FBXL14: variants seen among roughly 807,000 people sequenced by gnomAD.
FBXL14 encodes the protein F-box/LRR-repeat protein 14.
FBXL14 carries 11 observed loss-of-function variants against 24.5 expected under a neutral mutation model. The ratio of observed to expected loss-of-function variants is 0.45; its 90% CI spans 0.28 to 0.74. The LOEUF (loss-of-function observed/expected upper bound fraction) is 0.74. Among genes scored for constraint, FBXL14 ranks in the 30% least tolerant of loss-of-function variants. The probability of loss-of-function intolerance (pLI) is 0.12; values close to 1 mark genes in which losing one functional copy is unlikely to be tolerated. For missense variants in FBXL14, 384 were observed against 545.6 expected (o/e 0.70, Z 2.95); for synonymous variants, 294 against 240.4 (o/e 1.22, Z -2.06).
chr12:1,593,107 A>T lies in FBXL14; in HGVS notation c.960T>A (p.Asp320Glu). The T allele has an allele frequency of 1.2e-6, 2 of 1,613,614 alleles. No homozygotes were observed. The highest frequency in any genetic ancestry group is 1.7e-6 in the Non-Finnish European group (2 of 1,180,018). Reference sequence around the variant, plus strand: ...TCTGCCGCACCATGCGGTTGATGCCATCATCACTGATGTGGCAGGAGCAGA... The same window carrying T: ...TCTGCCGCACCATGCGGTTGATGCCTTCATCACTGATGTGGCAGGAGCAGA... ...LSLCSCHISDDGINRMVRQMH... is the reference protein window; with the variant it reads ...LSLCSCHISDEGINRMVRQMH... The change falls in exon 1 of 2, where the codon GAT becomes GAA. Residue 320 changes from aspartate (D) to glutamate (E), a missense_variant. By Grantham distance (45) the Asp-to-Glu change is conservative. Transcript: ENST00000339235. The surrounding 1 kb of genome is among the most constrained non-coding windows in gnomAD (Gnocchi z 7.4).
intron 1 of FBXL14, among the ~76,000 whole-genome samples, chr12:1,590,773 G>T (rs567461940): frequency 2.6e-5 from 4 of 152,138 alleles, no homozygotes; most frequent in Non-Finnish European, 5.9e-5. Context: ...TGAAAAAGAG[G>T]GCTTGAGCTG....
chr12:1,582,207 A>C (rs1283992133), intron 1 of FBXL14, among the ~76,000 whole-genome samples: 3 of 151,920 alleles, frequency 2.0e-5, no homozygotes, highest in Admixed American at 1.3e-4. Flanking sequence ...GAAGAAAGAA[A>C]GAGAAAGAAG....
At chr12:1,582,701 C>T (rs757549408) in intron 1 of FBXL14, among the ~76,000 whole-genome samples, 2 of 152,126 alleles carry the variant, frequency 1.3e-5, no homozygotes, top group African/African-American at 4.8e-5. Context: ...CCAAAAATGA[C>T]GTCTATATTA....
chr12:1,593,681 T>C lies in FBXL14; in HGVS notation c.386A>G (p.Gln129Arg). 6.2e-7 allele frequency: 1 copy of C among 1,614,172 alleles called. No individual in the cohort carries two copies. The change falls in exon 1 of 2, where the codon CAG becomes CGG. Residue 129 changes from glutamine to arginine, a missense_variant. Transcript: ENST00000339235. This position sits in a 1 kb window ranked among gnomAD's most constrained non-coding sequence, Gnocchi z 7.4. ...GCGGCCCAGGCTGCTGTCAGTGATC[T>C]GCTTGCAGAGGCTCAGGTTGAGAGC... ...LRALNLSLCK[Q>R]ITDSSLGRIA... is the part of the protein sequence containing the mutation.
rs1379394351 is a variant in FBXL14 at position 1,569,531 on chromosome 12, G to A, written c.1195-2721C>T. On this transcript the variant is annotated intron_variant, in intron 1 of 1. Transcript: ENST00000339235. This position sits in a 1 kb window ranked among gnomAD's most constrained non-coding sequence, Gnocchi z 4.2. Reference sequence around the variant, plus strand: ...TTCTCCTGCCTCAGCCTCCTGAGTAGCTGGGATTACAGGCGCCCGCCACCA... The same window carrying A: ...TTCTCCTGCCTCAGCCTCCTGAGTAACTGGGATTACAGGCGCCCGCCACCA... Among the ~76,000 whole-genome samples, 1 of 152,036 alleles carries A rather than the reference G, an allele frequency of 6.6e-6. No homozygotes were observed. The highest frequency in any genetic ancestry group is 1.5e-5 in the Non-Finnish European group (1 of 68,008).
intron 1 of FBXL14, among the ~76,000 whole-genome samples, chr12:1,585,927 C>G (rs1051350281): frequency 6.6e-6 from 1 of 152,198 alleles, no homozygotes; most frequent in African/African-American, 2.4e-5. Context: ...CTTTGAAGCT[C>G]TCATGAGCAT....
Position 1,590,680 on chromosome 12 carries a change from TA to T in FBXL14, c.1194+2192del, listed in dbSNP as rs531383568. ...GGCCAGCCTCGGCTATTGGAAGTGC[TA>T]AAATGCAAATGTGCAAAATCCTGGC... is the stretch of plus-strand genomic sequence containing the variant. On this transcript the variant is annotated intron_variant, in intron 1 of 1. Transcript: ENST00000339235. Among the ~76,000 whole-genome samples the T allele has an allele frequency of 1.1e-4, 17 of 152,272 alleles. No homozygotes were observed. In the South Asian group the frequency reaches 3.5e-3, roughly 32 times the overall value.
chr12:1,580,456 A>G (rs1055421347), intron 1 of FBXL14, among the ~76,000 whole-genome samples: 3 of 152,308 alleles, frequency 2.0e-5, no homozygotes, highest in East Asian at 3.9e-4. Context: ...ACAGAGATGA[A>G]GCTCTTGTGC....
Position 1,592,885 on chromosome 12 carries a change from C to G in FBXL14, c.1182G>C (p.Thr394=). The G allele has an allele frequency of 1.3e-6, 2 of 1,571,176 alleles. No individual in the cohort carries two copies. Among genetic ancestry groups the G allele is most frequent in the Non-Finnish European group, 1.7e-6 (2 of 1,153,650 alleles). The change falls in exon 1 of 2, where the codon ACG becomes ACC. Residue 394 remains threonine (T), a synonymous_variant. Transcript: ENST00000339235. ...KVLNLGLWQM[T]DSEKEARGDF... ...GCCCTCACCTGACCTTCTCACTGTCCGTCATCTGCCAGAGTCCCAGGTTGA... is the reference window on the plus strand; with the variant it reads ...GCCCTCACCTGACCTTCTCACTGTCGGTCATCTGCCAGAGTCCCAGGTTGA...
At chr12:1,589,478 A>G (rs1414754795) in intron 1 of FBXL14, among the ~76,000 whole-genome samples, 1 of 133,658 alleles carries the variant, frequency 7.5e-6, no homozygotes, top group African/African-American at 2.9e-5. Context: ...GGAAGACAGG[A>G]AGGAAGGGAG....
intron 1 of FBXL14, among the ~76,000 whole-genome samples, chr12:1,584,809 C>A (rs531752995): frequency 6.6e-6 from 1 of 152,178 alleles, no homozygotes; most frequent in Non-Finnish European, 1.5e-5. Flanking sequence ...TTAAGACACA[C>A]GTACTGGCCA....
In FBXL14 at chr12:1,592,922, C is replaced by A; in HGVS notation, c.1145G>T (p.Cys382Phe). 1 of 1,606,454 alleles carries A rather than the reference C, an allele frequency of 6.2e-7. No homozygotes were observed. The change falls in exon 1 of 2, where the codon TGC (cysteine) becomes TTC (phenylalanine). Residue 382 changes from cysteine (C) to phenylalanine (F), a missense_variant. Transcript: ENST00000339235. Reference sequence around the variant, plus strand: ...GAGTCCCAGGTTGAGTACCTTGAGGCACGGCAGCTGCGTGATGCGCTCCAG... The same window carrying A: ...GAGTCCCAGGTTGAGTACCTTGAGGAACGGCAGCTGCGTGATGCGCTCCAG... ...RGLERITQLP[C>F]LKVLNLGLWQ...
chr12:1,568,918 C>G (rs2094440707), intron 1 of FBXL14, among the ~76,000 whole-genome samples: 1 of 152,066 alleles, frequency 6.6e-6, no homozygotes, highest in Non-Finnish European at 1.5e-5. Flanking sequence ...GTGTTGTCTA[C>G]AAAAAACCCA....
rs61912226 is a variant in FBXL14, at chr12:1,592,714, G to A, written c.1194+159C>T. ...GGCTGGAAGCCGGGAGGGGGCTGGA[G>A]GAGGGAGGAGGAAACGAGCCTGAGG... On this transcript the variant is annotated intron_variant, in intron 1 of 1. Transcript: ENST00000339235. Among the ~76,000 whole-genome samples the A allele has an allele frequency of 3.1e-4, 47 of 152,350 alleles. 1 individual carries two copies. In the South Asian group the frequency reaches 9.3e-3, roughly 30 times the overall value.
Position 1,566,580 on chromosome 12 carries a change from A to T in FBXL14, c.*168T>A. On this transcript the variant is annotated 3_prime_UTR_variant, in exon 2 of 2. Coordinates refer to ENST00000339235, the MANE Select transcript of FBXL14 (RefSeq NM_152441.3). ...CCCCAGAACTGGAGAAACCGGCAGG[A>T]GAATGCAGCTTCACAAGGTACCGGA... 1 of 606,242 alleles carries T rather than the reference A, an allele frequency of 1.6e-6. No individual in the cohort carries two copies. Among genetic ancestry groups the T allele is most frequent in the Non-Finnish European group, 3.0e-6 (1 of 336,432 alleles). 37.6% of individuals were successfully genotyped at this position (606,242 alleles called of 1,614,324 possible).
chr12:1,573,022 GT>G (rs1402712756), intron 1 of FBXL14, among the ~76,000 whole-genome samples: 1 of 152,154 alleles, frequency 6.6e-6, no homozygotes, highest in Admixed American at 6.5e-5. Flanking sequence ...GTAAATCTGG[GT>G]AGGTAGAGTG....
At chr12:1,572,096 T>G in intron 1 of FBXL14, among the ~76,000 whole-genome samples, 1 of 152,162 alleles carries the variant, frequency 6.6e-6, no homozygotes, top group Admixed American at 6.5e-5. Context: ...GCAGTCACGT[T>G]TACGTGGGGG....
intron 1 of FBXL14, chr12:1,574,914 A>T (rs535767354): frequency 1.3e-5 from 2 of 151,090 alleles, no homozygotes; most frequent in East Asian, 3.9e-4. Context: ...TTTTTTAAAA[A>T]AAAAAATTAT....
chr12:1,592,770 A>G (rs542888762), intron 1 of FBXL14, 103 bp downstream of exon 1: 16 of 1,016,972 alleles, frequency 1.6e-5, no homozygotes, highest in Non-Finnish European at 2.3e-5. Flanking sequence ...CATCCGCTGC[A>G]ATGATCTGTG....
Sources: gnomAD v4.1 joint callset for allele counts (sites outside exome capture counted in the v4.1 genomes callset) on GRCh38, gnomAD v4.1.1 for gene constraint, Gnocchi (gnomAD v3.1) non-coding constraint, MANE v1.5 for transcripts, NCBI Gene and HGNC (gene_info 2026-07-23, HGNC 2026-07-21) for gene names.